NBAS: variants seen among roughly 807,000 people sequenced by gnomAD.
NBAS encodes NBAS subunit of NRZ tethering complex, also known as NAG/BC035112 fusion.
Under a neutral mutation model 302.5 loss-of-function variants are expected in NBAS, and 219 were observed. The ratio of observed to expected loss-of-function variants is 0.72; its 90% CI spans 0.65 to 0.81. NBAS has a LOEUF of 0.81. Ranked by LOEUF, NBAS falls within the 30% of genes least tolerant of loss-of-function variation. The probability of loss-of-function intolerance (pLI) is 0.00; values close to 1 mark genes in which losing one functional copy is unlikely to be tolerated. For synonymous variants in NBAS, 1,118 were observed against 1,021.6 expected, an observed-to-expected ratio of 1.09 and a Z score of -1.80; for missense variants, 2,932 against 2,841.6, an observed-to-expected ratio of 1.03 and a Z score of -0.72.
the NBAS span, among the ~76,000 whole-genome samples, chr2:15,105,177 A>G: frequency 1.3e-5 from 2 of 152,144 alleles, no homozygotes; most frequent in Non-Finnish European, 2.9e-5. Flanking sequence ...CAAACACTGC[A>G]TGTTCTCACT....
intron 35 of NBAS, among the ~76,000 whole-genome samples, chr2:15,334,666 AG>A (rs1672498405): frequency 1.3e-5 from 2 of 152,278 alleles, no homozygotes; most frequent in Non-Finnish European, 2.9e-5. Context: ...AGTATGCAAA[AG>A]AAAAAGAATA....
chr2:15,384,488 G>A (rs1675191155), intron 28 of NBAS, among the ~76,000 whole-genome samples: 1 of 150,904 alleles, frequency 6.6e-6, no homozygotes, highest in East Asian at 1.9e-4. Context: ...TTTTTGTATA[G>A]CATAAAGATT....
chr2:15,289,661 T>G (rs1233785836), intron 41 of NBAS, among the ~76,000 whole-genome samples: 1 of 152,100 alleles, frequency 6.6e-6, no homozygotes. Flanking sequence ...ATACAGATAG[T>G]AAAGGACAGG....
chr2:15,045,000 C>G, the NBAS span, among the ~76,000 whole-genome samples: 3 of 152,338 alleles, frequency 2.0e-5, no homozygotes, highest in African/African-American at 7.2e-5. Context: ...GATGGTGTAT[C>G]AAAATCAGAT....
the NBAS span, among the ~76,000 whole-genome samples, chr2:14,873,663 T>A: frequency 6.9e-6 from 1 of 144,976 alleles, no homozygotes. Context: ...AACAAATATA[T>A]CTGGAAGATT....
chr2:14,846,189 T>C, the NBAS span, among the ~76,000 whole-genome samples: 1 of 152,122 alleles, frequency 6.6e-6, no homozygotes, highest in Non-Finnish European at 1.5e-5. Flanking sequence ...ACACTACAGC[T>C]TGAATATGTC....
intron 23 of NBAS, among the ~76,000 whole-genome samples, chr2:15,417,974 G>A (rs760385526): frequency 1.4e-4 from 21 of 152,076 alleles, no homozygotes; most frequent in African/African-American, 2.2e-4. Context: ...TTTGTAGAGC[G>A]TTACAGTTCA....
chr2:15,246,048 T>C (rs945725119), intron 44 of NBAS, among the ~76,000 whole-genome samples: 1 of 152,224 alleles, frequency 6.6e-6, no homozygotes, highest in Non-Finnish European at 1.5e-5. Flanking sequence ...TGGCCTGGAA[T>C]GCCAGGCTAG....
At chr2:15,336,441 G>A (rs1356794409) in intron 35 of NBAS, among the ~76,000 whole-genome samples, 1 of 152,042 alleles carries the variant, frequency 6.6e-6, no homozygotes, top group Non-Finnish European at 1.5e-5. Flanking sequence ...ATTTTCACAG[G>A]TCTCATTTGT....
chr2:15,263,505 G>T (rs1389021048), intron 44 of NBAS, among the ~76,000 whole-genome samples: 1 of 152,188 alleles, frequency 6.6e-6, no homozygotes, highest in Non-Finnish European at 1.5e-5. Flanking sequence ...AGGTATACAA[G>T]AGTTTTCATT....
At chr2:14,927,538 G>C in the NBAS span, among the ~76,000 whole-genome samples, 1 of 152,172 alleles carries the variant, frequency 6.6e-6, no homozygotes, top group African/African-American at 2.4e-5. Flanking sequence ...ATAGATATCT[G>C]TTTGAGTCTG....
intron 42 of NBAS, among the ~76,000 whole-genome samples, chr2:15,281,725 C>T (rs185472529): frequency 2.6e-4 from 39 of 152,252 alleles, no homozygotes; most frequent in African/African-American, 8.2e-4. Context: ...GAGCCTGCAG[C>T]AGGTTTGCAT....
At chr2:15,166,534 T>C (rs1664026972), downstream of NBAS, among the ~76,000 whole-genome samples, 1 of 152,160 alleles carries the variant, frequency 6.6e-6, no homozygotes, top group Non-Finnish European at 1.5e-5. Context: ...ACATAATACT[T>C]ATCAACTTTA....
At chr2:14,779,752 A>G in the NBAS span, among the ~76,000 whole-genome samples, 2 of 152,244 alleles carry the variant, frequency 1.3e-5, 1 homozygote, top group African/African-American at 4.8e-5. Flanking sequence ...CTCACTCCCA[A>G]TTCTGGGCTG....
chr2:15,236,527 CAAAAAAAAAAAAAA>C (rs1167993098), intron 45 of NBAS, among the ~76,000 whole-genome samples: 3 of 28,304 alleles, frequency 1.1e-4, no homozygotes, highest in Non-Finnish European at 1.5e-4. Context: ...GACCCTGTCT[CAAAAAAAAAAAAAA>C]AAAAAAAAAA....
At chr2:14,846,259 C>T in the NBAS span, among the ~76,000 whole-genome samples, 1 of 151,970 alleles carries the variant, frequency 6.6e-6, no homozygotes, top group Non-Finnish European at 1.5e-5. Flanking sequence ...ATGACACATT[C>T]AAAATGCTGA....
At position 15,213,596 on chromosome 2, in the gene NBAS, A is replaced by T. The variant is rs144476886; in HGVS notation, c.6432+5177T>A. Among the ~76,000 whole-genome samples, 315 of 152,346 alleles carry T rather than the reference A, an allele frequency of 2.1e-3. 2 individuals carry two copies. The highest frequency in any genetic ancestry group is 7.4e-3 in the African/African-American group (306 of 41,588). On this transcript the variant is annotated intron_variant, in intron 48 of 51. Transcript: ENST00000281513. ...GTACAAGGCCAAGAATATAGGTTTT[A>T]GAACCAGACAGAACTGGTTTGAGTT...
the NBAS span, among the ~76,000 whole-genome samples, chr2:14,846,717 G>A: frequency 6.6e-6 from 1 of 151,966 alleles, no homozygotes; most frequent in Non-Finnish European, 1.5e-5. Context: ...CTTTTTGCTT[G>A]TTTATGAAAA....
intron 9 of NBAS, among the ~76,000 whole-genome samples, chr2:15,531,633 G>A (rs916711861): frequency 2.0e-5 from 3 of 152,158 alleles, no homozygotes; most frequent in South Asian, 2.1e-4. Flanking sequence ...CACTCACCAC[G>A]CTCTCTTTGA....
Sources: allele counts gnomAD v4.1 joint callset (sites outside exome capture counted in the v4.1 genomes callset), GRCh38; gene constraint gnomAD v4.1.1; transcripts MANE v1.5; gene names NCBI Gene and HGNC (gene_info 2026-07-23, HGNC 2026-07-21).